The following MPP7 variants were observed in gnomAD, a reference collection of about 807,000 sequenced individuals.
MPP7 encodes MAGUK p55 subfamily member 7.
A neutral mutation model predicts 76.5 loss-of-function variants in MPP7; 60 were observed. That is an observed-to-expected ratio of 0.78 (90% CI 0.64 to 0.97). The LOEUF (loss-of-function observed/expected upper bound fraction) is 0.97, where lower values mean the gene tolerates loss of function less well. MPP7 is among the 50% of genes least tolerant of loss of function. The pLI is 0.00. For synonymous variants in MPP7, 237 were observed against 244.5 expected, an observed-to-expected ratio of 0.97 and a Z score of 0.29; for missense variants, 641 against 694.0, an observed-to-expected ratio of 0.92 and a Z score of 0.86.
chr10:28,296,027 T>G (rs1163100907), intron 1 of MPP7, among the ~76,000 whole-genome samples: 1 of 152,238 alleles, frequency 6.6e-6, no homozygotes, highest in African/African-American at 2.4e-5. Context: ...TTTTATAAAT[T>G]TCAGGTTTCT....
chr10:28,102,119 C>T (rs930402511), intron 11 of MPP7, among the ~76,000 whole-genome samples: 25 of 152,172 alleles, frequency 1.6e-4, no homozygotes, highest in African/African-American at 4.6e-4. Context: ...TTACAGCATA[C>T]TAGCAATTCA....
In MPP7 at chr10:28,225,756, G is replaced by A. The variant is rs147378987; in HGVS notation, c.37+12812C>T. 7.4e-3 allele frequency among the ~76,000 whole-genome samples: 1,129 copies of A among 152,278 alleles called. 15 individuals carry two copies. The highest frequency in any genetic ancestry group is 0.026 in the African/African-American group (1,066 of 41,558). On this transcript the variant is annotated intron_variant, in intron 2 of 16. Transcript: ENST00000683449. ...GGCATCCATGGAAAATAGGTTGGTG[G>A]TTCCTTAAAAAGCTAAACACAGAAT...
chr10:28,096,699 T>C (rs1450698507), intron 11 of MPP7, among the ~76,000 whole-genome samples: 1 of 152,220 alleles, frequency 6.6e-6, no homozygotes, highest in Non-Finnish European at 1.5e-5. Context: ...TTCTGATAAA[T>C]ATTCACCAAT....
chr10:28,154,635 C>T (rs543825652), intron 3 of MPP7, among the ~76,000 whole-genome samples: 1 of 151,948 alleles, frequency 6.6e-6, no homozygotes, highest in South Asian at 2.1e-4. Context: ...TTTGAAACCA[C>T]TTCTCAGAAC....
At chr10:28,174,205 CG>C (rs139462822) in intron 3 of MPP7, among the ~76,000 whole-genome samples, 4,721 of 152,240 alleles carry the variant, frequency 0.031, 93 homozygotes, top group South Asian at 0.061. Flanking sequence ...CAATACAAAC[CG>C]CAACAATACC....
chr10:28,138,126 T>C (rs1371063283), intron 5 of MPP7, among the ~76,000 whole-genome samples: 1 of 152,198 alleles, frequency 6.6e-6, no homozygotes, highest in East Asian at 1.9e-4. Flanking sequence ...TTAAAAAATC[T>C]ACCAAATTTT....
At chr10:28,123,462 C>CTTTTTTTTTTTTTTTTTT (rs200098933) in intron 8 of MPP7, among the ~76,000 whole-genome samples, 1 of 92,504 alleles carries the variant, frequency 1.1e-5, no homozygotes, top group African/African-American at 4.3e-5. Flanking sequence ...GTACTAAATT[C>CTTTTTTTTTTTTTTTTTT]TTTTTTTTTT....
chr10:28,083,094 G>A (rs1852838605), intron 12 of MPP7, among the ~76,000 whole-genome samples: 1 of 152,148 alleles, frequency 6.6e-6, no homozygotes, highest in Non-Finnish European at 1.5e-5. Context: ...TCACAGGACT[G>A]GAAGGCAGCC....
At chr10:28,202,896 CT>C (rs1837825177) in intron 2 of MPP7, 1 of 152,022 alleles carries the variant, frequency 6.6e-6, no homozygotes, top group African/African-American at 2.4e-5. Context: ...GTAATACCCT[CT>C]GAAAGAGTTA....
At chr10:28,199,766 C>A (rs1417023697) in intron 3 of MPP7, among the ~76,000 whole-genome samples, 2 of 151,788 alleles carry the variant, frequency 1.3e-5, no homozygotes, top group African/African-American at 4.8e-5. Flanking sequence ...ACTACTATGC[C>A]TGGCTAATTT....
chr10:28,128,616 C>T (rs1835093164), intron 6 of MPP7, among the ~76,000 whole-genome samples: 2 of 152,130 alleles, frequency 1.3e-5, no homozygotes, highest in Non-Finnish European at 2.9e-5. Context: ...TAAAGATAGG[C>T]TCAACTTCTT....
chr10:28,061,202 G>C (rs1851771807), intron 13 of MPP7, among the ~76,000 whole-genome samples: 1 of 151,648 alleles, frequency 6.6e-6, no homozygotes, highest in Non-Finnish European at 1.5e-5. Context: ...AATTTTCAAG[G>C]GGAAAGATAA....
intron 2 of MPP7, among the ~76,000 whole-genome samples, chr10:28,213,247 A>G (rs1838201987): frequency 6.6e-6 from 1 of 152,064 alleles, no homozygotes; most frequent in Non-Finnish European, 1.5e-5. Context: ...GAAGTGGGGT[A>G]AAGAAGTTTT....
intron 1 of MPP7, among the ~76,000 whole-genome samples, chr10:28,267,343 G>T (rs916697762): frequency 2.0e-5 from 3 of 152,206 alleles, no homozygotes; most frequent in Admixed American, 6.5e-5. Context: ...GCCTTTAGAT[G>T]CTGGGTATAG....
upstream of MPP7, among the ~76,000 whole-genome samples, chr10:28,304,634 A>G (rs1349753482): frequency 6.6e-6 from 1 of 152,216 alleles, no homozygotes; most frequent in Admixed American, 6.5e-5. Context: ...CGTGTCCTAA[A>G]GTAAGTACTT....
intron 1 of MPP7, among the ~76,000 whole-genome samples, chr10:28,332,170 C>T (rs930894048): frequency 2.6e-5 from 4 of 151,796 alleles, no homozygotes; most frequent in Non-Finnish European, 5.9e-5. Flanking sequence ...TGCAAGTCTT[C>T]ATTTCATTAA....
rs187657705 is a variant in MPP7 at position 28,183,172 on chromosome 10, A to G, written c.156+18981T>C. ...TAAGAGTTTTAAAACAGACGAAATA[A>G]TATCTCACATTGTGAATACAAACTC... On this transcript the variant is annotated intron_variant, in intron 3 of 16. Transcript: ENST00000683449. Among the ~76,000 whole-genome samples, 21 of 152,340 alleles carry G rather than the reference A, an allele frequency of 1.4e-4. No homozygotes were observed. In the East Asian group the frequency reaches 4.0e-3, roughly 29 times the overall value.
intron 6 of MPP7, among the ~76,000 whole-genome samples, chr10:28,131,185 A>G (rs1835179104): frequency 1.3e-5 from 2 of 152,202 alleles, no homozygotes; most frequent in African/African-American, 2.4e-5. Flanking sequence ...GACCTGCTGT[A>G]AATTAGTTTA....
intron 1 of MPP7, among the ~76,000 whole-genome samples, chr10:28,250,216 G>A (rs1305431530): frequency 1.3e-5 from 2 of 152,062 alleles, no homozygotes; most frequent in East Asian, 3.9e-4. Context: ...AGTATTTAGG[G>A]GTGTCAAGTA....
Sources: gnomAD v4.1 joint callset for allele counts (sites outside exome capture counted in the v4.1 genomes callset) on GRCh38, gnomAD v4.1.1 for gene constraint, MANE v1.5 for transcripts, NCBI Gene and HGNC (gene_info 2026-07-23, HGNC 2026-07-21) for gene names.